Variants in VGLL2 observed in about 807,000 individuals in gnomAD.
VGLL2 encodes the protein transcription cofactor vestigial-like protein 2.
Under a neutral mutation model 27.0 loss-of-function variants are expected in VGLL2, and 18 were observed. The observed-to-expected ratio is 0.67, with a 90% CI of 0.46 to 0.99. The LOEUF is 0.99. Ranked by LOEUF, VGLL2 falls within the 50% of genes least tolerant of loss-of-function variation. The pLI is 0.00. For synonymous variants in VGLL2, 220 were observed against 201.1 expected, an observed-to-expected ratio of 1.09 and a Z score of -0.80; for missense variants, 491 against 452.3, an observed-to-expected ratio of 1.09 and a Z score of -0.78.
At chr6:117,272,339 T>A in intron 3 of VGLL2, 115 bp from the exon 4 acceptor site, 1 of 1,589,010 alleles carries the variant, frequency 6.3e-7, no homozygotes, top group Non-Finnish European at 8.6e-7. Context: ...AGCAAGGATG[T>A]GTACTGGTTT....
Position 117,270,988 on chromosome 6 carries a change from G to C in VGLL2, c.837G>C (p.Ala279=). Reference sequence around the variant, plus strand: ...GCAAAGGCGAGCCGGCGGGCGCCGCGTGGGCCGGGCCCGGGGGACCCTTCG... The same window carrying C: ...GCAAAGGCGAGCCGGCGGGCGCCGCCTGGGCCGGGCCCGGGGGACCCTTCG... ...LSGKGEPAGA[A]WAGPGGPFAS... is the part of the protein sequence containing the mutation. Residue 279 remains alanine (A), a synonymous_variant, in exon 3 of 4, where the codon GCG becomes GCC. Coordinates refer to ENST00000326274, the MANE Select transcript of VGLL2 (RefSeq NM_182645.3). 8.1e-7 allele frequency: 1 copy of C among 1,232,722 alleles called. No homozygotes were observed. Among genetic ancestry groups the C allele is most frequent in the Non-Finnish European group, 1.0e-6 (1 of 991,326 alleles). The allele number at this position is 1,232,722 out of a possible 1,614,324, so 76.4% of individuals were successfully genotyped here.
intron 1 of VGLL2, among the ~76,000 whole-genome samples, chr6:117,267,393 T>C (rs571763890): frequency 1.3e-5 from 2 of 152,166 alleles, no homozygotes; most frequent in African/African-American, 4.8e-5. Context: ...GTCTGCTCCT[T>C]TTTATCATTT....
intron 2 of VGLL2, 37 bp downstream of exon 2, chr6:117,268,528 G>C: frequency 6.6e-7 from 1 of 1,522,048 alleles, no homozygotes; most frequent in African/African-American, 1.4e-5. Flanking sequence ...ACCCATAGGG[G>C]GTCCTCTCAG....
chr6:117,267,019 AT>A (rs1562230268), intron 1 of VGLL2, among the ~76,000 whole-genome samples: 1 of 152,046 alleles, frequency 6.6e-6, no homozygotes, highest in Non-Finnish European at 1.5e-5. Context: ...AAGTGGTGAT[AT>A]TGCTAAATCT....
intron 3 of VGLL2, among the ~76,000 whole-genome samples, chr6:117,271,542 C>G (rs527360732): frequency 6.6e-6 from 1 of 152,138 alleles, no homozygotes; most frequent in South Asian, 2.1e-4. Flanking sequence ...ACATTGATTA[C>G]ATGTTGAAAT....
chr6:117,271,438 C>T (rs1773199105), intron 3 of VGLL2, among the ~76,000 whole-genome samples: 1 of 151,778 alleles, frequency 6.6e-6, no homozygotes, highest in Admixed American at 6.6e-5. Context: ...CGTGGTGAGG[C>T]CGAATTAAGA....
rs1461853022 is a variant in VGLL2, at chr6:117,268,337, G to C, written c.237G>C (p.Glu79Asp). The change falls in exon 2 of 4, where the codon GAG becomes GAC. Residue 79 changes from glutamate to aspartate, a missense_variant. Transcript: ENST00000326274. ...SPEKERPPEA[E>D]YINSRCVLFT... is the part of the protein sequence containing the mutation. Reference sequence around the variant, plus strand: ...AGAAAGAGCGCCCACCAGAGGCAGAGTACATCAACTCCCGCTGCGTCCTCT... The same window carrying C: ...AGAAAGAGCGCCCACCAGAGGCAGACTACATCAACTCCCGCTGCGTCCTCT... The C allele has an allele frequency of 6.2e-7, 1 of 1,614,156 alleles. No individual in the cohort carries two copies. Among genetic ancestry groups the C allele is most frequent in the Admixed American group, 1.7e-5 (1 of 60,022 alleles).
intron 2 of VGLL2, among the ~76,000 whole-genome samples, chr6:117,269,425 C>G (rs1400843621): frequency 5.3e-5 from 8 of 152,140 alleles, no homozygotes; most frequent in Non-Finnish European, 1.0e-4. Context: ...GAAATTACAA[C>G]CTTCACCCCC....
At chr6:117,269,682 C>G (rs552394871) in intron 2 of VGLL2, among the ~76,000 whole-genome samples, 4 of 152,292 alleles carry the variant, frequency 2.6e-5, no homozygotes, top group African/African-American at 9.6e-5. Context: ...GTCTTTCTCT[C>G]CCTTCTTACT....
intron 3 of VGLL2, 165 bp from the exon 4 acceptor site, chr6:117,272,289 T>A: frequency 1.0e-6 from 1 of 985,052 alleles, no homozygotes; most frequent in Non-Finnish European, 1.2e-6. Context: ...CTCTCTCTTT[T>A]ATCTTCTCTC....
chr6:117,265,672 C>A lies in VGLL2; in HGVS notation c.-92C>A. ...TTTGCTCCGCCTGATGACTCCAGAG[C>A]GCGGGTCCAAGCGCCGCCCATGCAG... On this transcript the variant is annotated 5_prime_UTR_variant, in exon 1 of 4. Coordinates refer to ENST00000326274, the MANE Select transcript of VGLL2 (RefSeq NM_182645.3). 2.8e-6 allele frequency: 3 copies of A among 1,075,480 alleles called. No homozygotes were observed. Among genetic ancestry groups the A allele is most frequent in the Non-Finnish European group, 2.8e-6 (2 of 706,662 alleles). 66.6% of individuals were successfully genotyped at this position (1,075,480 alleles called of 1,614,324 possible).
chr6:117,271,296 A>AAATAATAATAATAATAATAATAATAAT (rs200440828), intron 3 of VGLL2, among the ~76,000 whole-genome samples: 1 of 144,400 alleles, frequency 6.9e-6, no homozygotes, highest in African/African-American at 2.6e-5. Flanking sequence ...AGGACTTTTA[A>AAATAATAATAATAATAATAATAATAAT]AATAATAATA....
In VGLL2 at chr6:117,270,920, G is replaced by T. The variant is rs1355516926; in HGVS notation, c.769G>T (p.Ala257Ser). Residue 257 changes from alanine to serine, a missense_variant, in exon 3 of 4, where the codon GCC becomes TCC. Transcript: ENST00000326274. ...ASGRPARLAT[A>S]PAPAPGSPPC... ...GGGGCGCCCGGCCCGCCTCGCAACC[G>T]CCCCGGCGCCCGCGCCCGGCAGTCC... is the stretch of plus-strand genomic sequence containing the variant. The T allele has an allele frequency of 8.0e-6, 10 of 1,243,478 alleles. No homozygotes were observed. The Admixed American group carries it at 1.3e-4, about 16-fold the overall frequency. The allele number at this position is 1,243,478 out of a possible 1,614,324, so 77.0% of individuals were successfully genotyped here.
chr6:117,272,562 T>G lies in VGLL2; in HGVS notation c.*68T>G. The G allele has an allele frequency of 6.2e-7, 1 of 1,610,582 alleles. No individual in the cohort carries two copies. Among genetic ancestry groups the G allele is most frequent in the Non-Finnish European group, 8.5e-7 (1 of 1,177,882 alleles). ...GCCTTGGAGGCTCAGCATCTGTGCC[T>G]CTCACTCCGTGGATGAGGACATGGG... is the stretch of plus-strand genomic sequence containing the variant. On this transcript the variant is annotated 3_prime_UTR_variant, in exon 4 of 4. Coordinates refer to ENST00000326274, the MANE Select transcript of VGLL2 (RefSeq NM_182645.3).
Position 117,270,578 on chromosome 6 carries a change from G to C in VGLL2, c.427G>C (p.Ala143Pro). 6.3e-7 allele frequency: 1 copy of C among 1,597,948 alleles called. No homozygotes were observed. The highest frequency in any genetic ancestry group is 8.5e-7 in the Non-Finnish European group (1 of 1,174,010). Residue 143 changes from alanine to proline, a missense_variant, in exon 3 of 4, where the codon GCC becomes CCC. Physicochemically the swap from Ala to Pro is conservative, Grantham distance 27 (BLOSUM62 -1). Coordinates refer to ENST00000326274, the MANE Select transcript of VGLL2 (RefSeq NM_182645.3). ...CCCGATGAGCCAGCGCAGCTTCCCCGCCTCCTTCTGGAATAGCGCGTACCA... is the reference window on the plus strand; with the variant it reads ...CCCGATGAGCCAGCGCAGCTTCCCCCCCTCCTTCTGGAATAGCGCGTACCA... ...SFPMSQRSFP[A>P]SFWNSAYQAP...
intron 2 of VGLL2, 135 bp downstream of exon 2, chr6:117,268,626 G>A: frequency 9.6e-7 from 1 of 1,041,324 alleles, no homozygotes; most frequent in South Asian, 1.8e-5. Flanking sequence ...CATTTGGAAA[G>A]GGTAAGGAAA....
intron 3 of VGLL2, 56 bp downstream of exon 3, chr6:117,271,120 C>G (rs1773187496): frequency 8.4e-6 from 10 of 1,190,314 alleles, no homozygotes; most frequent in Non-Finnish European, 1.0e-5. Context: ...GTACCCGACC[C>G]TGGGCTGTGC....
intron 2 of VGLL2, 119 bp from the exon 3 acceptor site, chr6:117,270,424 C>G (rs1773160150): frequency 5.3e-6 from 7 of 1,325,962 alleles, no homozygotes; most frequent in Non-Finnish European, 6.9e-6. Context: ...CTAGCCAGCC[C>G]TGTGCCCGCC....
intron 3 of VGLL2, among the ~76,000 whole-genome samples, chr6:117,271,291 T>C (rs964843293): frequency 7.2e-6 from 1 of 138,774 alleles, no homozygotes; most frequent in Non-Finnish European, 1.5e-5. Context: ...TACAGAGGAC[T>C]TTTAAAATAA....
Sources: allele counts gnomAD v4.1 joint callset (sites outside exome capture counted in the v4.1 genomes callset), GRCh38; gene constraint gnomAD v4.1.1; transcripts MANE v1.5; gene names NCBI Gene and HGNC (gene_info 2026-07-23, HGNC 2026-07-21).